RET: variants seen among roughly 807,000 people sequenced by gnomAD.
The protein encoded by RET is proto-oncogene tyrosine-protein kinase receptor Ret.
RET carries 19 observed loss-of-function variants against 118.3 expected under a neutral mutation model. The observed-to-expected ratio is 0.16, with a 90% confidence interval of 0.11 to 0.24. The LOEUF is 0.24. RET is among the 10% of genes least tolerant of loss of function. RET has a pLI of 1.00. For missense variants in RET, 1,219 were observed against 1,502.1 expected, an observed-to-expected ratio of 0.81 and a Z score of 3.12; for synonymous variants, 597 against 644.1, an observed-to-expected ratio of 0.93 and a Z score of 1.11.
chr10:43,114,841 A>G lies in RET; in HGVS notation c.2136+105A>G, dbSNP rs1838034955. The stretch of plus-strand genomic sequence containing the variant: ...GAGGCCATCCTGTGAGGGGCTGCCA[A>G]CGCTGGGCAGACGAGGCCTGTGTTC... On this transcript the variant is annotated intron_variant, in intron 11 of 19. Coordinates refer to ENST00000355710, the MANE Select transcript of RET (RefSeq NM_020975.6). This position sits in a 1 kb window ranked among gnomAD's most constrained non-coding sequence, Gnocchi z 4.6. The G allele has an allele frequency of 5.6e-6, 7 of 1,258,134 alleles. No homozygotes were observed. The highest frequency in any genetic ancestry group is 1.5e-5 in the African/African-American group (1 of 66,290). The allele number at this position is 1,258,134 out of a possible 1,614,324, so 77.9% of individuals were successfully genotyped here. A position where few individuals can be genotyped will look rare whatever the true frequency, so the allele number is the denominator to read the frequency against.
intron 15 of RET, 92 bp downstream of exon 15, chr10:43,120,295 G>C: frequency 6.5e-7 from 1 of 1,535,708 alleles, no homozygotes. Flanking sequence ...GAAAGATACC[G>C]AAGATTAGTG....
Position 43,129,947 on chromosome 10 carries a change from T to C in RET, c.*1678T>C. On this transcript the variant is annotated 3_prime_UTR_variant, in exon 20 of 20. Coordinates refer to ENST00000355710, the MANE Select transcript of RET (RefSeq NM_020975.6). ...TATGCTTAATGATAGTCTTACTAAA[T>C]GCAGAAATAAGAATAAACTTTCTCA... The C allele has an allele frequency of 2.5e-6, 1 of 399,028 alleles. No individual in the cohort carries two copies. The highest frequency in any genetic ancestry group is 4.4e-6 in the Non-Finnish European group (1 of 226,072). The allele number at this position is 399,028 out of a possible 1,614,324, so 24.7% of individuals were successfully genotyped here.
chr10:43,104,385 C>T (rs1267805637), intron 3 of RET, among the ~76,000 whole-genome samples: 2 of 152,060 alleles, frequency 1.3e-5, no homozygotes, highest in Non-Finnish European at 2.9e-5. Context: ...GGCATGGTGG[C>T]GGGCGCCTGT....
At position 43,111,198 on chromosome 10, in the gene RET, C is replaced by T. The variant is rs886636715; in HGVS notation, c.1264-9C>T. 4.3e-6 allele frequency: 7 copies of T among 1,613,242 alleles called. No individual in the cohort carries two copies. The highest frequency in any genetic ancestry group is 4.0e-5 in the African/African-American group (3 of 74,924). On this transcript the variant is annotated splice_polypyrimidine_tract_variant and intron_variant, in intron 6 of 19. Transcript: ENST00000355710. ...TGCCTGGCTAAGGTGTTCCCCTGTG[C>T]CCCCCTAGATCGGGAAAGTCTGTGT...
At chr10:43,111,090 G>C in intron 6 of RET, 117 bp from the exon 7 acceptor site, 1 of 1,467,258 alleles carries the variant, frequency 6.8e-7, no homozygotes, top group Non-Finnish European at 9.4e-7. Context: ...GGGGGCTGCT[G>C]TCTCCAGGCC....
At chr10:43,094,803 T>G (rs1837487551) in intron 1 of RET, among the ~76,000 whole-genome samples, 1 of 152,196 alleles carries the variant, frequency 6.6e-6, no homozygotes, top group Admixed American at 6.5e-5. Context: ...TAGAGCCCTA[T>G]TGGCAGTGTG....
chr10:43,127,587 C>A, intron 19 of RET: 11 of 589,616 alleles, frequency 1.9e-5, no homozygotes, highest in Non-Finnish European at 2.2e-5. Context: ...GTTCCTTTTG[C>A]ATGCCTCCTG....
At chr10:43,105,315 G>A in intron 4 of RET, 122 bp downstream of exon 4, 3 of 1,449,290 alleles carry the variant, frequency 2.1e-6, no homozygotes, top group Non-Finnish European at 2.8e-6. Flanking sequence ...GCTTTCATTT[G>A]TCCTTCGCCT....
At chr10:43,124,144 G>A (rs1838280626) in intron 17 of RET, among the ~76,000 whole-genome samples, 1 of 152,150 alleles carries the variant, frequency 6.6e-6, no homozygotes, top group African/African-American at 2.4e-5. Context: ...GTTAAGGGGT[G>A]CCTGAGTGGA....
chr10:43,126,760 C>T, intron 19 of RET, 38 bp downstream of exon 19: 2 of 1,610,046 alleles, frequency 1.2e-6, no homozygotes, highest in Non-Finnish European at 1.7e-6. Flanking sequence ...TCTAGCACCG[C>T]TGTCCCCTTT....
At chr10:43,110,319 C>G (rs1024419734) in intron 6 of RET, among the ~76,000 whole-genome samples, 3 of 152,176 alleles carry the variant, frequency 2.0e-5, no homozygotes, top group Non-Finnish European at 4.4e-5. Context: ...GGACAGGAAC[C>G]CTGAACAATT....
At chr10:43,118,324 G>C in intron 12 of RET, 49 bp from the exon 13 acceptor site, 1 of 1,463,036 alleles carries the variant, frequency 6.8e-7, no homozygotes, top group Non-Finnish European at 9.5e-7. Flanking sequence ...GGTCATGGAA[G>C]GGGCTTCCAG....
intron 15 of RET, among the ~76,000 whole-genome samples, chr10:43,120,642 GC>G (rs992550773): frequency 2.6e-5 from 4 of 152,246 alleles, no homozygotes; most frequent in African/African-American, 9.6e-5. Context: ...CCGCACAGGG[GC>G]CTTGGACACT....
At chr10:43,125,564 A>G (rs1026580090) in intron 18 of RET, among the ~76,000 whole-genome samples, 3 of 152,224 alleles carry the variant, frequency 2.0e-5, no homozygotes, top group African/African-American at 7.2e-5. Context: ...AACAAAGCAT[A>G]TCGGGGGGTG....
intron 1 of RET, among the ~76,000 whole-genome samples, chr10:43,080,891 G>A (rs1050312924): frequency 6.6e-6 from 1 of 152,194 alleles, no homozygotes; most frequent in Non-Finnish European, 1.5e-5. Context: ...ACCAGGCTGT[G>A]GCCCTTGCAG....
chr10:43,127,063 C>A (rs565162497), intron 19 of RET: 2 of 1,228,658 alleles, frequency 1.6e-6, no homozygotes, highest in Non-Finnish European at 1.0e-6. Flanking sequence ...AGTACTTCTA[C>A]TTTAACTAAG....
At chr10:43,122,566 C>T (rs1053683083) in intron 16 of RET, among the ~76,000 whole-genome samples, 14 of 152,198 alleles carry the variant, frequency 9.2e-5, no homozygotes, top group Non-Finnish European at 5.9e-5. Flanking sequence ...GGATTCTTGC[C>T]TCTAAAGTGT....
At position 43,111,483 on chromosome 10, in the gene RET, G is replaced by A. The variant is rs763517546; in HGVS notation, c.1522+18G>A. On this transcript the variant is annotated intron_variant, in intron 7 of 19. Coordinates refer to ENST00000355710, the MANE Select transcript of RET (RefSeq NM_020975.6). ...GGGGTCATGTGAGTGCCTGCTCCAG[G>A]GAGGGAGGGTCGGGGTCCTGGGGGC... 1.9e-6 allele frequency: 3 copies of A among 1,605,186 alleles called. No individual in the cohort carries two copies. The highest frequency in any genetic ancestry group is 1.6e-4 in the Middle Eastern group (1 of 6,062).
chr10:43,090,531 G>A (rs1457801667), intron 1 of RET, among the ~76,000 whole-genome samples: 1 of 152,048 alleles, frequency 6.6e-6, no homozygotes, highest in African/African-American at 2.4e-5. Flanking sequence ...TCCTCCTGGG[G>A]GCTCAGGCAC....
Sources: gnomAD v4.1 joint callset for allele counts (sites outside exome capture counted in the v4.1 genomes callset) on GRCh38, gnomAD v4.1.1 for gene constraint, Gnocchi (gnomAD v3.1) non-coding constraint, MANE v1.5 for transcripts, NCBI Gene and HGNC (gene_info 2026-07-23, HGNC 2026-07-21) for gene names.